Variants in SFSWAP observed in about 807,000 individuals in gnomAD.
The protein encoded by SFSWAP is splicing factor SWAP.
SFSWAP carries 17 observed loss-of-function variants against 100.7 expected under a neutral mutation model. That is an observed-to-expected ratio of 0.17 (90% CI 0.12 to 0.25). The LOEUF (loss-of-function observed/expected upper bound fraction) is 0.25, where lower values mean the gene tolerates loss of function less well. Ranked by LOEUF, SFSWAP falls within the 10% of genes least tolerant of loss-of-function variation. SFSWAP has a pLI of 1.00. For synonymous variants in SFSWAP, 504 were observed against 510.1 expected, an observed-to-expected ratio of 0.99 and a Z score of 0.16; for missense variants, 1,005 against 1,262.6, an observed-to-expected ratio of 0.80 and a Z score of 3.09.
In SFSWAP at chr12:131,764,464, G is replaced by A; in HGVS notation, c.1729G>A (p.Ala577Thr). Residue 577 changes from alanine (A) to threonine (T), a missense_variant, in exon 12 of 18, where the codon GCT (alanine) becomes ACT (threonine). Transcript: ENST00000261674. ...PDGKLVKASF[A>T]PISFAIKAKE... ...TCACCTTTCCTCAATAGCTTCCTTTGCTCCAATAAGCTTTGCAATCAAGGC... is the reference window on the plus strand; with the variant it reads ...TCACCTTTCCTCAATAGCTTCCTTTACTCCAATAAGCTTTGCAATCAAGGC... The A allele has an allele frequency of 1.2e-6, 2 of 1,613,700 alleles. No homozygotes were observed. Among genetic ancestry groups the A allele is most frequent in the South Asian group, 1.1e-5 (1 of 91,054 alleles).
At position 131,711,266 on chromosome 12, in the gene SFSWAP, A is replaced by G; in HGVS notation, c.37A>G (p.Arg13Gly). 1 of 1,611,098 alleles carries G rather than the reference A, an allele frequency of 6.2e-7. No homozygotes were observed. Among genetic ancestry groups the G allele is most frequent in the Non-Finnish European group, 8.5e-7 (1 of 1,179,254 alleles). ...GAGCGGGGGCCGCGCCAAACCCGAG[A>G]GGAAAAGCGGCGCGAAGGAGGAGGC... Reference protein sequence around the residue: ...GASGGRAKPERKSGAKEEAGP... With the variant: ...GASGGRAKPEGKSGAKEEAGP... The change falls in exon 1 of 18, where the codon AGG becomes GGG. Residue 13 changes from arginine (R) to glycine (G), a missense_variant. Arg to Gly is a moderately radical substitution (Grantham distance 125). Around this residue, in one of 7 missense-constraint regions of SFSWAP, gnomAD observed 237 missense variants for 337.0 expected, o/e 0.70. Transcript: ENST00000261674. This position sits in a 1 kb window ranked among gnomAD's most constrained non-coding sequence, Gnocchi z 4.9.
intron 9 of SFSWAP, 96 bp from the exon 10 acceptor site, chr12:131,755,290 T>C (rs1195440067): frequency 1.2e-6 from 1 of 823,024 alleles, no homozygotes; most frequent in Non-Finnish European, 2.0e-6. Flanking sequence ...CTTGTGGGAT[T>C]GTTGAGATCA....
rs186865240 is a variant in SFSWAP, at chr12:131,782,153, G to C, written c.2408+3823G>C. The stretch of plus-strand genomic sequence containing the variant: ...CATATTCTCTATGACAAAAGAACAA[G>C]AAGAAGAAGAAGCTGGTGGTTTCTC... On this transcript the variant is annotated intron_variant, in intron 14 of 17. Transcript: ENST00000261674. Among the ~76,000 whole-genome samples the C allele has an allele frequency of 2.6e-4, 40 of 152,290 alleles. No individual in the cohort carries two copies. In the East Asian group the frequency reaches 4.2e-3, roughly 16 times the overall value.
intron 14 of SFSWAP, chr12:131,785,348 G>T: frequency 6.7e-6 from 6 of 892,384 alleles, no homozygotes; most frequent in South Asian, 5.1e-5. Context: ...GGATGCCGGG[G>T]TCTGAGTGAT....
chr12:131,720,709 C>T (rs1878393111), intron 4 of SFSWAP, among the ~76,000 whole-genome samples: 1 of 152,174 alleles, frequency 6.6e-6, no homozygotes, highest in Non-Finnish European at 1.5e-5. Context: ...TGGTTCTTAC[C>T]CTTCATTAAT....
rs958015821 is a variant in SFSWAP at position 131,734,458 on chromosome 12, A to C, written c.1081+6030A>C. Among the ~76,000 whole-genome samples the C allele has an allele frequency of 1.1e-4, 16 of 151,928 alleles. No homozygotes were observed. The highest frequency in any genetic ancestry group is 2.2e-4 in the Non-Finnish European group (15 of 67,948). ...AGAGAGGCAGCCGCCCACCCCACGC[A>C]CTCCCTGCTTGTAAGCCGGGGCCGC... On this transcript the variant is annotated intron_variant, in intron 7 of 17. Coordinates refer to ENST00000261674, the MANE Select transcript of SFSWAP (RefSeq NM_004592.4). This position sits in a 1 kb window ranked among gnomAD's most constrained non-coding sequence, Gnocchi z 4.9.
chr12:131,764,993 G>A (rs769660755), intron 12 of SFSWAP, among the ~76,000 whole-genome samples: 21 of 152,342 alleles, frequency 1.4e-4, no homozygotes, highest in Non-Finnish European at 2.4e-4. Context: ...GCACTTGGCT[G>A]GCAGCCCCAG....
chr12:131,798,371 TTG>T (rs1885826285), intron 16 of SFSWAP, among the ~76,000 whole-genome samples: 1 of 151,996 alleles, frequency 6.6e-6, no homozygotes, highest in Non-Finnish European at 1.5e-5. Context: ...GGAGGGGGTG[TTG>T]GCTCCAGCAC....
At chr12:131,740,759 T>C (rs1337958921) in intron 7 of SFSWAP, among the ~76,000 whole-genome samples, 2 of 152,090 alleles carry the variant, frequency 1.3e-5, no homozygotes, top group African/African-American at 2.4e-5. Context: ...GCTGGTTTTC[T>C]AAGCTTTACA....
At chr12:131,747,994 A>C (rs1881293992) in intron 7 of SFSWAP, among the ~76,000 whole-genome samples, 1 of 152,196 alleles carries the variant, frequency 6.6e-6, no homozygotes, top group Non-Finnish European at 1.5e-5. Flanking sequence ...CTGCCGAGGA[A>C]GAGCCTGGGG....
intron 11 of SFSWAP, among the ~76,000 whole-genome samples, chr12:131,760,566 G>A (rs1245767790): frequency 6.6e-6 from 1 of 152,164 alleles, no homozygotes. Context: ...AATATGGACT[G>A]AGTTTTAAAT....
chr12:131,724,295 T>G (rs1373976812), intron 4 of SFSWAP, among the ~76,000 whole-genome samples: 1 of 152,254 alleles, frequency 6.6e-6, no homozygotes, highest in Non-Finnish European at 1.5e-5. Flanking sequence ...AAGTGATCAT[T>G]AATTATTGAT....
chr12:131,799,142 CT>C, intron 17 of SFSWAP, 33 bp downstream of exon 17: 1 of 1,555,588 alleles, frequency 6.4e-7, no homozygotes, highest in Non-Finnish European at 8.9e-7. Flanking sequence ...CGCTCCCAGC[CT>C]TTCATCAAGG....
At position 131,734,870 on chromosome 12, in the gene SFSWAP, G is replaced by A. The variant is rs1879850939; in HGVS notation, c.1081+6442G>A. On this transcript the variant is annotated intron_variant, in intron 7 of 17. Transcript: ENST00000261674. The surrounding 1 kb of genome is among the most constrained non-coding windows in gnomAD (Gnocchi z 4.9). ...ACATGACGGAGCTGCTGCTGCTGCAGCCGCAGATACCATCTCAGCCGGCAT... is the reference window on the plus strand; with the variant it reads ...ACATGACGGAGCTGCTGCTGCTGCAACCGCAGATACCATCTCAGCCGGCAT... Among the ~76,000 whole-genome samples, 1 of 143,756 alleles carries A rather than the reference G, an allele frequency of 7.0e-6. No individual in the cohort carries two copies. The highest frequency in any genetic ancestry group is 2.4e-4 in the South Asian group (1 of 4,108). 94.3% of individuals were successfully genotyped at this position (143,756 alleles called of 152,430 possible). A position where few individuals can be genotyped will look rare whatever the true frequency, so the allele number is the denominator to read the frequency against.
chr12:131,744,941 A>G (rs1427989077), intron 7 of SFSWAP, among the ~76,000 whole-genome samples: 2 of 152,202 alleles, frequency 1.3e-5, no homozygotes, highest in Non-Finnish European at 2.9e-5. Flanking sequence ...TGTGGGACTC[A>G]TTCATTAACA....
At chr12:131,726,887 G>A (rs1422438539) in intron 5 of SFSWAP, 53 bp from the exon 6 acceptor site, 2 of 1,091,034 alleles carry the variant, frequency 1.8e-6, no homozygotes, top group Admixed American at 2.0e-5. Flanking sequence ...TAATTAATTT[G>A]TACTTTTTTT....
chr12:131,723,884 A>G (rs960314775), intron 4 of SFSWAP, among the ~76,000 whole-genome samples: 1 of 152,244 alleles, frequency 6.6e-6, no homozygotes, highest in African/African-American at 2.4e-5. Flanking sequence ...CTGGATTTAA[A>G]TTAGAAAAAC....
intron 3 of SFSWAP, among the ~76,000 whole-genome samples, chr12:131,717,714 G>A (rs916093394): frequency 1.3e-5 from 2 of 152,054 alleles, no homozygotes; most frequent in African/African-American, 4.8e-5. Context: ...TATAGTAAAA[G>A]TTGTATTTTT....
chr12:131,713,187 TTTAAG>T (rs1281216410), intron 1 of SFSWAP: 2 of 152,208 alleles, frequency 1.3e-5, no homozygotes, highest in Non-Finnish European at 2.9e-5. Context: ...ACCTGAGTGT[TTTAAG>T]TAAAGTTCAC....
Sources: gnomAD v4.1 joint callset for allele counts (sites outside exome capture counted in the v4.1 genomes callset) on GRCh38, gnomAD v4.1.1 for gene constraint, gnomAD v4.1.1 regional missense constraint, Gnocchi (gnomAD v3.1) non-coding constraint, MANE v1.5 for transcripts, NCBI Gene and HGNC (gene_info 2026-07-23, HGNC 2026-07-21) for gene names.